The following C1QTNF4 variants were observed in gnomAD, a reference collection of about 807,000 sequenced individuals.
C1QTNF4 encodes complement C1q tumor necrosis factor-related protein 4.
C1QTNF4 carries 12 observed loss-of-function variants against 14.6 expected under a neutral mutation model. The ratio of observed to expected loss-of-function variants is 0.82; its 90% CI spans 0.53 to 1.33. The LOEUF (loss-of-function observed/expected upper bound fraction) is 1.33. Among genes scored for constraint, C1QTNF4 ranks in the 40% most tolerant of loss-of-function variants. The pLI, the probability that C1QTNF4 is intolerant of heterozygous loss-of-function variation, is 0.00. For missense variants in C1QTNF4, 558 were observed against 500.3 expected, an observed-to-expected ratio of 1.12 and a Z score of -1.10; for synonymous variants, 278 against 246.6, an observed-to-expected ratio of 1.13 and a Z score of -1.19.
rs1358192210 is a variant in C1QTNF4, at chr11:47,590,656, T to G, written c.155A>C (p.Lys52Thr). 6.2e-7 allele frequency: 1 copy of G among 1,611,400 alleles called. No homozygotes were observed. The highest frequency in any genetic ancestry group is 8.5e-7 in the Non-Finnish European group (1 of 1,179,460). The change falls in exon 2 of 2, where the codon AAG becomes ACG. Residue 52 changes from lysine (K) to threonine (T), a missense_variant. By Grantham distance (78) the Lys-to-Thr change is moderately conservative. Transcript: ENST00000302514. ...GTCGCCCCCGATGTTCACGTACACC[T>G]TGTCGAAGGTCACCGCCATCTCCGA... ...GTSEMAVTFDKVYVNIGGDFD... is the reference protein window; with the variant it reads ...GTSEMAVTFDTVYVNIGGDFD...
chr11:47,590,469 C>T lies in C1QTNF4; in HGVS notation c.342G>A (p.Ala114=). 2.0e-6 allele frequency: 3 copies of T among 1,527,938 alleles called. No homozygotes were observed. Among genetic ancestry groups the T allele is most frequent in the Non-Finnish European group, 2.6e-6 (3 of 1,140,384 alleles). 94.6% of individuals were successfully genotyped at this position (1,527,938 alleles called of 1,614,324 possible). The part of the protein sequence containing the change: ...LAFDEQRRPG[A]RRAASQSAML... ...TGGCGCTCTGGCTGGCTGCGCGCCG[C>T]GCGCCTGGCCGCCGCTGCTCGTCGA... Residue 114 remains alanine, a synonymous_variant, in exon 2 of 2, where the codon GCG becomes GCA. Transcript: ENST00000302514.
Position 47,594,167 on chromosome 11 carries a change from G to C in C1QTNF4, c.-25C>G, listed in dbSNP as rs2097276874. ...CCTCACCTGGCTGGGGGCGGCGGTC[G>C]AGTCGGGTTCGGTCTGAGCCCGCGA... On this transcript the variant is annotated 5_prime_UTR_variant, in exon 1 of 2. Transcript: ENST00000302514. 6.6e-6 allele frequency: 1 copy of C among 152,098 alleles called. No individual in the cohort carries two copies. The highest frequency in any genetic ancestry group is 2.1e-4 in the South Asian group (1 of 4,830). 9.4% of individuals were successfully genotyped at this position (152,098 alleles called of 1,614,324 possible).
intron 1 of C1QTNF4, 50 bp from the exon 2 acceptor site, chr11:47,590,865 C>T: frequency 7.0e-7 from 1 of 1,433,884 alleles, no homozygotes; most frequent in Non-Finnish European, 9.1e-7. Flanking sequence ...GGGGCGGCTT[C>T]CAAACGCCCG....
In C1QTNF4 at chr11:47,589,720, G is replaced by A. The variant is rs2097274104; in HGVS notation, c.*101C>T. On this transcript the variant is annotated 3_prime_UTR_variant, in exon 2 of 2. Coordinates refer to ENST00000302514, the MANE Select transcript of C1QTNF4 (RefSeq NM_031909.3). The stretch of plus-strand genomic sequence containing the variant: ...TTTCCGCTTTATTGGCAGAGTCCAG[G>A]CGCGCCCGGAGGCCGTGGCGCTCGC... The A allele has an allele frequency of 5.1e-6, 6 of 1,176,116 alleles. 1 individual carries two copies. In the Admixed American group the frequency reaches 1.7e-4, roughly 34 times the overall value. 72.9% of individuals were successfully genotyped at this position (1,176,116 alleles called of 1,614,324 possible).
In C1QTNF4 at chr11:47,590,703, G is replaced by T. The variant is rs2097275055; in HGVS notation, c.108C>A (p.Arg36=). The part of the protein sequence containing the change: ...SELRSAFSAA[R]TTPLEGTSEM... ...CCGACGTGCCCTCCAGGGGGGTGGT[G>T]CGTGCCGCCGAGAAGGCCGAGCGCA... The change falls in exon 2 of 2, where the codon CGC becomes CGA. Residue 36 remains arginine (R), a synonymous_variant. Transcript: ENST00000302514. 1 of 1,611,250 alleles carries T rather than the reference G, an allele frequency of 6.2e-7. No homozygotes were observed. The highest frequency in any genetic ancestry group is 1.7e-4 in the Middle Eastern group (1 of 6,060).
chr11:47,590,277 G>C lies in C1QTNF4; in HGVS notation c.534C>G (p.Ala178=). The change falls in exon 2 of 2, where the codon GCC becomes GCG. Residue 178 remains alanine, a synonymous_variant. Transcript: ENST00000302514. ...AGCTGCGCGTGCGCGCCGCCGAGAAGGCCGAGCGCGGCTCGGGGGGCGCGG... is the reference window on the plus strand; with the variant it reads ...AGCTGCGCGTGCGCGCCGCCGAGAACGCCGAGCGCGGCTCGGGGGGCGCGG... The part of the protein sequence containing the change: ...GPPAPPEPRS[A]FSAARTRSLV... The C allele has an allele frequency of 1.6e-6, 2 of 1,225,520 alleles. No individual in the cohort carries two copies. The highest frequency in any genetic ancestry group is 2.0e-6 in the Non-Finnish European group (2 of 979,490). 75.9% of individuals were successfully genotyped at this position (1,225,520 alleles called of 1,614,324 possible).
chr11:47,590,288 G>T lies in C1QTNF4; in HGVS notation c.523C>A (p.Pro175Thr), dbSNP rs191830241. Residue 175 changes from proline to threonine, a missense_variant, in exon 2 of 2, where the codon CCG (proline) becomes ACG (threonine). By Grantham distance (38) the Pro-to-Thr change is conservative. Transcript: ENST00000302514. ...PARGPPAPPEPRSAFSAARTR... is the reference protein window; with the variant it reads ...PARGPPAPPETRSAFSAARTR... ...CGCGCCGCCGAGAAGGCCGAGCGCG[G>T]CTCGGGGGGCGCGGGCGGCCCGCGC... 6.1e-5 allele frequency: 72 copies of T among 1,179,098 alleles called. 2 individuals carry two copies. In the Admixed American group the frequency reaches 3.1e-3, roughly 50 times the overall value. 73.0% of individuals were successfully genotyped at this position (1,179,098 alleles called of 1,614,324 possible).
upstream of C1QTNF4, chr11:47,594,717 A>C (rs1330804936): frequency 6.6e-6 from 1 of 152,492 alleles, no homozygotes; most frequent in Non-Finnish European, 1.5e-5. Flanking sequence ...TTTGGGCTGC[A>C]AGGACAGTGG....
intron 1 of C1QTNF4, among the ~76,000 whole-genome samples, chr11:47,592,613 C>T (rs1305347900): frequency 6.6e-6 from 1 of 152,148 alleles, no homozygotes. Context: ...TAGTAGGGCA[C>T]GTGCTTTGGG....
Position 47,590,012 on chromosome 11 carries a change from G to A in C1QTNF4, c.799C>T (p.Arg267Cys). ...MIYDDGASRR[R>C]EMQSQSVMLA... is the part of the protein sequence containing the mutation. ...ATCACGCTCTGGCTCTGCATCTCGC[G>A]GCGCCGCGACGCGCCGTCGTCGTAA... Residue 267 changes from arginine (R) to cysteine (C), a missense_variant, in exon 2 of 2, where the codon CGC becomes TGC. By Grantham distance (180) the Arg-to-Cys change is radical. Coordinates refer to ENST00000302514, the MANE Select transcript of C1QTNF4 (RefSeq NM_031909.3). 1 of 1,611,626 alleles carries A rather than the reference G, an allele frequency of 6.2e-7. No homozygotes were observed. The highest frequency in any genetic ancestry group is 1.7e-4 in the Middle Eastern group (1 of 6,054).
At chr11:47,592,994 G>C (rs1256664974) in intron 1 of C1QTNF4, among the ~76,000 whole-genome samples, 1 of 152,208 alleles carries the variant, frequency 6.6e-6, no homozygotes, top group Non-Finnish European at 1.5e-5. Flanking sequence ...AGGGAGGAGG[G>C]AAGGGGCCAT....
rs145619299 is a variant in C1QTNF4, at chr11:47,591,688, G to A, written c.-5-873C>T. Among the ~76,000 whole-genome samples the A allele has an allele frequency of 1.3e-3, 198 of 151,878 alleles. 1 individual carries two copies. The highest frequency in any genetic ancestry group is 2.6e-3 in the Non-Finnish European group (175 of 67,938). On this transcript the variant is annotated intron_variant, in intron 1 of 1. Coordinates refer to ENST00000302514, the MANE Select transcript of C1QTNF4 (RefSeq NM_031909.3). ...CAGGCGTGAGCCACCGCGCCCGGCC[G>A]AAACCCCTTTCTTAAGTGAAAGCTT...
chr11:47,592,849 A>G (rs1380490326), intron 1 of C1QTNF4, among the ~76,000 whole-genome samples: 4 of 152,198 alleles, frequency 2.6e-5, no homozygotes, highest in Non-Finnish European at 5.9e-5. Context: ...GGCGTAAAGT[A>G]TGCCACCTTC....
chr11:47,593,106 G>C (rs1019949966), intron 1 of C1QTNF4, among the ~76,000 whole-genome samples: 3 of 152,102 alleles, frequency 2.0e-5, no homozygotes, highest in African/African-American at 7.2e-5. Flanking sequence ...CAGGTGGGCC[G>C]TCTCCCATTT....
Position 47,590,028 on chromosome 11 carries a change from G to A in C1QTNF4, c.783C>T (p.Asp261=), listed in dbSNP as rs145222942. Residue 261 remains aspartate (D), a synonymous_variant, in exon 2 of 2, where the codon GAC becomes GAT. Coordinates refer to ENST00000302514, the MANE Select transcript of C1QTNF4 (RefSeq NM_031909.3). ...RDEVQAMIYD[D]GASRRREMQS... is the part of the protein sequence containing the mutation. Reference sequence around the variant, plus strand: ...GCATCTCGCGGCGCCGCGACGCGCCGTCGTCGTAAATCATGGCCTGCACCT... The same window carrying A: ...GCATCTCGCGGCGCCGCGACGCGCCATCGTCGTAAATCATGGCCTGCACCT... 55 of 1,612,106 alleles carry A rather than the reference G, an allele frequency of 3.4e-5. No homozygotes were observed. The highest frequency in any genetic ancestry group is 4.5e-5 in the Non-Finnish European group (53 of 1,178,730).
rs779462150 is a variant in C1QTNF4 at position 47,590,687 on chromosome 11, C to T, written c.124G>A (p.Gly42Ser). The T allele has an allele frequency of 1.2e-5, 20 of 1,611,612 alleles. No individual in the cohort carries two copies. Among genetic ancestry groups the T allele is most frequent in the South Asian group, 4.4e-5 (4 of 90,958 alleles). ...AAGGTCACCGCCATCTCCGACGTGC[C>T]CTCCAGGGGGGTGGTGCGTGCCGCC... Reference protein sequence around the residue: ...FSAARTTPLEGTSEMAVTFDK... With the variant: ...FSAARTTPLESTSEMAVTFDK... The change falls in exon 2 of 2, where the codon GGC (glycine) becomes AGC (serine). Residue 42 changes from glycine to serine, a missense_variant. Coordinates refer to ENST00000302514, the MANE Select transcript of C1QTNF4 (RefSeq NM_031909.3).
Position 47,589,803 on chromosome 11 carries a change from T to G in C1QTNF4, c.*18A>C. ...ATGCACGCCCCTGGCCCTCCCGGGC[T>G]CTTCTCTGGCCCGGGGCTCACAGTA... On this transcript the variant is annotated 3_prime_UTR_variant, in exon 2 of 2. Coordinates refer to ENST00000302514, the MANE Select transcript of C1QTNF4 (RefSeq NM_031909.3). 6.7e-7 allele frequency: 1 copy of G among 1,498,048 alleles called. No homozygotes were observed. Among genetic ancestry groups the G allele is most frequent in the Non-Finnish European group, 8.9e-7 (1 of 1,122,890 alleles). 92.8% of individuals were successfully genotyped at this position (1,498,048 alleles called of 1,614,324 possible). A position where few individuals can be genotyped will look rare whatever the true frequency, so the allele number is the denominator to read the frequency against.
Position 47,590,637 on chromosome 11 carries a change from C to A in C1QTNF4, c.174G>T (p.Gly58=), listed in dbSNP as rs138363785. 19 of 1,611,294 alleles carry A rather than the reference C, an allele frequency of 1.2e-5. No individual in the cohort carries two copies. The highest frequency in any genetic ancestry group is 1.6e-5 in the Non-Finnish European group (19 of 1,179,394). ...VTFDKVYVNI[G]GDFDVATGQF... is the part of the protein sequence containing the mutation. ...GGCCGGTGGCCACATCGAAGTCGCC[C>A]CCGATGTTCACGTACACCTTGTCGA... Residue 58 remains glycine (G), a synonymous_variant, in exon 2 of 2, where the codon GGG becomes GGT. Transcript: ENST00000302514.
rs773875877 is a variant in C1QTNF4, at chr11:47,590,683, GT to G, written c.127del (p.Thr43ArgfsTer6). 6 of 1,611,384 alleles carry G rather than the reference GT, an allele frequency of 3.7e-6. No individual in the cohort carries two copies. The highest frequency in any genetic ancestry group is 5.1e-6 in the Non-Finnish European group (6 of 1,179,428). On this transcript the variant is annotated frameshift_variant, in exon 2 of 2. Coordinates refer to ENST00000302514, the MANE Select transcript of C1QTNF4 (RefSeq NM_031909.3). LOFTEE classifies it high-confidence loss of function. ...SAARTTPLEG[T>X]SEMAVTFDKV... ...GTCGAAGGTCACCGCCATCTCCGAC[GT>G]GCCCTCCAGGGGGGTGGTGCGTGCC... is the stretch of plus-strand genomic sequence containing the variant.
Sources: allele counts gnomAD v4.1 joint callset (sites outside exome capture counted in the v4.1 genomes callset), GRCh38; gene constraint gnomAD v4.1.1; transcripts MANE v1.5; gene names NCBI Gene and HGNC (gene_info 2026-07-23, HGNC 2026-07-21).